The following MARK1 variants were observed in gnomAD, a reference collection of about 807,000 sequenced individuals.
The protein encoded by MARK1 is microtubule affinity regulating kinase 1.
A neutral mutation model predicts 96.3 loss-of-function variants in MARK1; 40 were observed. That is an observed-to-expected ratio of 0.42 (90% CI 0.32 to 0.54). The LOEUF is 0.54. Ranked by LOEUF, MARK1 falls within the 20% of genes least tolerant of loss-of-function variation. The probability of loss-of-function intolerance (pLI) is 0.16; values close to 1 mark genes in which losing one functional copy is unlikely to be tolerated. For missense variants in MARK1, 719 were observed against 984.6 expected (o/e 0.73, Z 3.61); for synonymous variants, 317 against 341.2 (o/e 0.93, Z 0.78).
In MARK1 at chr1:220,566,922, T is replaced by G. The variant is rs558920331; in HGVS notation, c.52-12432T>G. Among the ~76,000 whole-genome samples, 42 of 152,252 alleles carry G rather than the reference T, an allele frequency of 2.8e-4. No individual in the cohort carries two copies. In the South Asian group the frequency reaches 8.7e-3, roughly 32 times the overall value. Reference sequence around the variant, plus strand: ...AGTAACTACTTAGAAACTAACTACTTAATAGTCTTTTGTTTAAATATTTTT... The same window carrying G: ...AGTAACTACTTAGAAACTAACTACTGAATAGTCTTTTGTTTAAATATTTTT... On this transcript the variant is annotated intron_variant, in intron 1 of 17. Coordinates refer to ENST00000366917, the MANE Select transcript of MARK1 (RefSeq NM_018650.5).
intron 1 of MARK1, among the ~76,000 whole-genome samples, chr1:220,555,951 A>G (rs1370355516): frequency 6.6e-6 from 1 of 152,236 alleles, no homozygotes; most frequent in Non-Finnish European, 1.5e-5. Flanking sequence ...TAGACTTAAA[A>G]TATAATTTCT....
At chr1:220,534,394 CTAAGTG>C (rs1451382858) in intron 1 of MARK1, among the ~76,000 whole-genome samples, 2 of 152,042 alleles carry the variant, frequency 1.3e-5, no homozygotes, top group East Asian at 1.9e-4. Flanking sequence ...CTTTTTCCTT[CTAAGTG>C]TATGTTTATA....
chr1:220,593,756 G>A (rs1665147592), intron 3 of MARK1, among the ~76,000 whole-genome samples: 1 of 152,094 alleles, frequency 6.6e-6, no homozygotes, highest in African/African-American at 2.4e-5. Flanking sequence ...AACCCTGAAT[G>A]TGTTCTGAGG....
chr1:220,570,181 T>C (rs1194392628), intron 1 of MARK1, among the ~76,000 whole-genome samples: 6 of 152,090 alleles, frequency 3.9e-5, no homozygotes, highest in African/African-American at 1.2e-4. Flanking sequence ...CCTGGCTTAG[T>C]TGAAGAAGGA....
intron 13 of MARK1, among the ~76,000 whole-genome samples, chr1:220,640,095 G>C (rs1338828810): frequency 6.6e-6 from 1 of 152,148 alleles, no homozygotes; most frequent in Non-Finnish European, 1.5e-5. Context: ...TTTTTAGAAA[G>C]TACTTGAGCA....
rs528177695 is a variant in MARK1, at chr1:220,563,784, T to C, written c.52-15570T>C. 2.6e-5 allele frequency among the ~76,000 whole-genome samples: 4 copies of C among 152,332 alleles called. No individual in the cohort carries two copies. In the East Asian group the frequency reaches 7.7e-4, roughly 29 times the overall value. ...TTGCAGTGCCTGGATTCAAACCAGG[T>C]GGCCTGATTCCAGACCTGTTCATTT... On this transcript the variant is annotated intron_variant, in intron 1 of 17. Coordinates refer to ENST00000366917, the MANE Select transcript of MARK1 (RefSeq NM_018650.5).
intron 3 of MARK1, among the ~76,000 whole-genome samples, chr1:220,587,430 G>A (rs1343126067): frequency 2.0e-5 from 3 of 151,584 alleles, no homozygotes; most frequent in Non-Finnish European, 2.9e-5. Flanking sequence ...GTGCAATGGC[G>A]TGATCTCTGC....
intron 13 of MARK1, among the ~76,000 whole-genome samples, chr1:220,637,713 A>G (rs1668042736): frequency 6.6e-6 from 1 of 151,962 alleles, no homozygotes; most frequent in African/African-American, 2.4e-5. Context: ...GAAAGAAATC[A>G]TTAGCAGTAA....
intron 3 of MARK1, among the ~76,000 whole-genome samples, chr1:220,587,834 T>C (rs1357364306): frequency 6.6e-6 from 1 of 152,232 alleles, no homozygotes; most frequent in Non-Finnish European, 1.5e-5. Context: ...TATTTGTTTT[T>C]ACTATACAGA....
At chr1:220,636,079 T>C (rs530969905) in intron 13 of MARK1, 53 bp downstream of exon 13, 2 of 1,263,682 alleles carry the variant, frequency 1.6e-6, no homozygotes, top group East Asian at 5.3e-5. Flanking sequence ...TGTTTTAGGG[T>C]TATGTGTAAA....
At chr1:220,559,233 T>C (rs1662500122) in intron 1 of MARK1, among the ~76,000 whole-genome samples, 1 of 152,130 alleles carries the variant, frequency 6.6e-6, no homozygotes, top group African/African-American at 2.4e-5. Flanking sequence ...CAGTGAAGTA[T>C]CTGTTAGTAG....
Position 220,662,350 on chromosome 1 carries a change from A to G in MARK1, c.*184A>G. 1.8e-6 allele frequency: 1 copy of G among 559,530 alleles called. No homozygotes were observed. Among genetic ancestry groups the G allele is most frequent in the Non-Finnish European group, 3.2e-6 (1 of 315,692 alleles). 34.7% of individuals were successfully genotyped at this position (559,530 alleles called of 1,614,324 possible). On this transcript the variant is annotated 3_prime_UTR_variant, in exon 18 of 18. Coordinates refer to ENST00000366917, the MANE Select transcript of MARK1 (RefSeq NM_018650.5). Reference sequence around the variant, plus strand: ...AAAGTCAGTATGAACTATAATAAATATCTGTAGCTTAAAAAGTAGGTTCAC... The same window carrying G: ...AAAGTCAGTATGAACTATAATAAATGTCTGTAGCTTAAAAAGTAGGTTCAC...
intron 9 of MARK1, among the ~76,000 whole-genome samples, chr1:220,620,465 C>G (rs1291206552): frequency 6.6e-6 from 1 of 152,064 alleles, no homozygotes; most frequent in Non-Finnish European, 1.5e-5. Context: ...ATAAAATGCT[C>G]AAAGTTGAAG....
At chr1:220,592,586 G>A (rs575383300) in intron 3 of MARK1, among the ~76,000 whole-genome samples, 27 of 152,168 alleles carry the variant, frequency 1.8e-4, no homozygotes, top group Non-Finnish European at 3.8e-4. Flanking sequence ...AGTCAGGCTT[G>A]GAATACTGAG....
At chr1:220,573,793 GTATATGTAGTA>G (rs71562612) in intron 1 of MARK1, among the ~76,000 whole-genome samples, 87,206 of 150,048 alleles carry the variant, frequency 0.58, 26,731 homozygotes, top group Non-Finnish European at 0.68. Flanking sequence ...GTATATTGTA[GTATATGTAGTA>G]TATATGTAGT....
At chr1:220,530,019 T>C (rs1203239910) in intron 1 of MARK1, among the ~76,000 whole-genome samples, 1 of 152,144 alleles carries the variant, frequency 6.6e-6, no homozygotes, top group African/African-American at 2.4e-5. Context: ...AGCGCTTTGG[T>C]GTTCTTAGAC....
chr1:220,606,277 A>T (rs1429683486), intron 6 of MARK1, among the ~76,000 whole-genome samples: 1 of 152,178 alleles, frequency 6.6e-6, no homozygotes, highest in Non-Finnish European at 1.5e-5. Context: ...ATTACCAGTG[A>T]TGTTGAGCAT....
chr1:220,625,582 G>A (rs573414666), intron 9 of MARK1, among the ~76,000 whole-genome samples: 2 of 152,148 alleles, frequency 1.3e-5, no homozygotes, highest in Non-Finnish European at 2.9e-5. Context: ...AGGAACTTAG[G>A]TGGGAAGATA....
At chr1:220,587,303 C>T (rs868095642) in intron 3 of MARK1, among the ~76,000 whole-genome samples, 2 of 131,070 alleles carry the variant, frequency 1.5e-5, no homozygotes, top group African/African-American at 5.6e-5. Context: ...CTTCCTTCCT[C>T]CCTCCCTCCC....
Sources: gnomAD v4.1 joint callset for allele counts (sites outside exome capture counted in the v4.1 genomes callset) on GRCh38, gnomAD v4.1.1 for gene constraint, MANE v1.5 for transcripts, NCBI Gene and HGNC (gene_info 2026-07-23, HGNC 2026-07-21) for gene names.